RCL1: variants seen among roughly 807,000 people sequenced by gnomAD.
RCL1 encodes RNA 3'-terminal phosphate cyclase-like protein.
In RCL1, 24 loss-of-function variants were observed where a neutral mutation model predicts 42.4. The ratio of observed to expected loss-of-function variants is 0.57; its 90% CI spans 0.41 to 0.80. The LOEUF (loss-of-function observed/expected upper bound fraction) is 0.80. Among genes scored for constraint, RCL1 ranks in the 30% least tolerant of loss-of-function variants. The pLI is 0.00. For synonymous variants in RCL1, 228 were observed against 177.3 expected (o/e 1.29, Z -2.27); for missense variants, 578 against 467.9 (o/e 1.24, Z -2.17).
At chr9:4,858,944 G>C (rs1284978880) in intron 8 of RCL1, among the ~76,000 whole-genome samples, 1 of 152,220 alleles carries the variant, frequency 6.6e-6, no homozygotes, top group African/African-American at 2.4e-5. Context: ...CTATGAACTG[G>C]GGAGTACAGG....
chr9:4,804,671 G>A (rs1843069695), intron 1 of RCL1: 3 of 162,490 alleles, frequency 1.8e-5, no homozygotes, highest in Non-Finnish European at 4.1e-5. Context: ...CGATGCCCCT[G>A]GCCTGCATGG....
rs546738967 is a variant in RCL1, at chr9:4,813,811, G to A, written c.137-9737G>A. On this transcript the variant is annotated intron_variant, in intron 1 of 8. Transcript: ENST00000381750. ...CCCAAATGTCCATCAGTGATAGACCGGATTAAGAAAATGTGGCACATATAC... is the reference window on the plus strand; with the variant it reads ...CCCAAATGTCCATCAGTGATAGACCAGATTAAGAAAATGTGGCACATATAC... Among the ~76,000 whole-genome samples the A allele has an allele frequency of 4.6e-5, 7 of 152,288 alleles. No individual in the cohort carries two copies. The East Asian group carries it at 7.7e-4, about 17-fold the overall frequency.
At chr9:4,821,063 G>A (rs1432404372) in intron 1 of RCL1, among the ~76,000 whole-genome samples, 1 of 152,104 alleles carries the variant, frequency 6.6e-6, no homozygotes, top group Non-Finnish European at 1.5e-5. Context: ...ATTTTCTAGA[G>A]GAAGAGGTTA....
chr9:4,856,903 C>G (rs1179061310), intron 8 of RCL1, among the ~76,000 whole-genome samples: 1 of 152,176 alleles, frequency 6.6e-6, no homozygotes, highest in Non-Finnish European at 1.5e-5. Context: ...GCCCCCTTTT[C>G]TCCATGTAGC....
In RCL1 at chr9:4,841,326, A is replaced by G. The variant is rs1209595387; in HGVS notation, c.679A>G (p.Thr227Ala). 3.7e-6 allele frequency: 6 copies of G among 1,613,370 alleles called. No individual in the cohort carries two copies. Among genetic ancestry groups the G allele is most frequent in the Admixed American group, 3.3e-5 (2 of 60,004 alleles). Residue 227 changes from threonine (T) to alanine (A), a missense_variant, in exon 6 of 9, where the codon ACA (threonine) becomes GCA (alanine). By Grantham distance (58) the Thr-to-Ala change is moderately conservative. Transcript: ENST00000381750. ...GTTCATACCTGATATCTATATTTAC[A>G]CAGATCACATGAAAGGAGTCAACTC... is the stretch of plus-strand genomic sequence containing the variant. ...NKFIPDIYIYTDHMKGVNSGK... is the reference protein window; with the variant it reads ...NKFIPDIYIYADHMKGVNSGK...
At position 4,860,279 on chromosome 9, in the gene RCL1, C is replaced by A. The variant is rs769155618; in HGVS notation, c.*4C>A. The A allele has an allele frequency of 1.9e-6, 3 of 1,611,928 alleles. No homozygotes were observed. The highest frequency in any genetic ancestry group is 4.5e-5 in the East Asian group (2 of 44,790). On this transcript the variant is annotated 3_prime_UTR_variant, in exon 9 of 9. Coordinates refer to ENST00000381750, the MANE Select transcript of RCL1 (RefSeq NM_005772.5). ...CCTTAGCAAGACCCTCAAGTGATAA[C>A]CATCACAAGATAAGGCCCCAATGCC...
Position 4,800,492 on chromosome 9 carries a change from G to C in RCL1, c.136+7265G>C, listed in dbSNP as rs572193715. ...AGCCTCCCAAAGTGCTGGGATTACA[G>C]GTGTGCACCACCATGCCCAGCCAGG... is the stretch of plus-strand genomic sequence containing the variant. On this transcript the variant is annotated intron_variant, in intron 1 of 8. Coordinates refer to ENST00000381750, the MANE Select transcript of RCL1 (RefSeq NM_005772.5). Among the ~76,000 whole-genome samples, 5 of 152,222 alleles carry C rather than the reference G, an allele frequency of 3.3e-5. No individual in the cohort carries two copies. The East Asian group carries it at 9.6e-4, about 29-fold the overall frequency.
chr9:4,809,553 C>T (rs928703739), intron 1 of RCL1, among the ~76,000 whole-genome samples: 1 of 152,160 alleles, frequency 6.6e-6, no homozygotes, highest in Non-Finnish European at 1.5e-5. Flanking sequence ...TGTGATTCGC[C>T]CGCCTCGGCC....
intron 7 of RCL1, among the ~76,000 whole-genome samples, chr9:4,847,070 G>T (rs1817542934): frequency 6.6e-6 from 1 of 151,788 alleles, no homozygotes; most frequent in Non-Finnish European, 1.5e-5. Flanking sequence ...GTAGAGATAG[G>T]GTTTCTCCAT....
At chr9:4,803,729 A>C (rs564806861) in intron 1 of RCL1, 2 of 156,692 alleles carry the variant, frequency 1.3e-5, no homozygotes, top group East Asian at 1.8e-4. Flanking sequence ...TGAAAGGTAA[A>C]AAAAAAAAAG....
chr9:4,793,287 T>C, intron 1 of RCL1, 60 bp downstream of exon 1: 3 of 1,517,024 alleles, frequency 2.0e-6, no homozygotes, highest in Non-Finnish European at 2.7e-6. Flanking sequence ...ACCGAGCTGA[T>C]GCCGTGGGGG....
intron 7 of RCL1, among the ~76,000 whole-genome samples, chr9:4,848,577 A>C: frequency 6.6e-6 from 1 of 152,278 alleles, no homozygotes. Flanking sequence ...AAATATGTAG[A>C]AATTCAAGGT....
intron 1 of RCL1, among the ~76,000 whole-genome samples, chr9:4,809,803 T>C (rs183939874): frequency 5.0e-4 from 76 of 152,192 alleles, no homozygotes; most frequent in African/African-American, 1.6e-3. Flanking sequence ...AGAGACATGA[T>C]TGGGTTTTTT....
chr9:4,821,378 C>T (rs1372748553), intron 1 of RCL1, among the ~76,000 whole-genome samples: 1 of 152,158 alleles, frequency 6.6e-6, no homozygotes, highest in South Asian at 2.1e-4. Flanking sequence ...GTCTCAGTGT[C>T]ATTTGACTAG....
In RCL1 at chr9:4,841,490, T is replaced by C. The variant is rs1817325670; in HGVS notation, c.710+133T>C. 4.1e-6 allele frequency: 3 copies of C among 740,066 alleles called. No homozygotes were observed. In the Admixed American group the frequency reaches 6.9e-5, roughly 17 times the overall value. The allele number at this position is 740,066 out of a possible 1,614,324, so 45.8% of individuals were successfully genotyped here. A position where few individuals can be genotyped will look rare whatever the true frequency, so the allele number is the denominator to read the frequency against. On this transcript the variant is annotated intron_variant, in intron 6 of 8. Coordinates refer to ENST00000381750, the MANE Select transcript of RCL1 (RefSeq NM_005772.5). ...TTTCAGAATTAATTTCTTTCTGCCT[T>C]ATTGCCGTTGTCACCAACAGGCATT...
Position 4,844,573 on chromosome 9 carries a change from C to A in RCL1, c.759C>A (p.Thr253=). Residue 253 remains threonine, a synonymous_variant, in exon 7 of 9, where the codon ACC becomes ACA. Transcript: ENST00000381750. ...LSLVAETTSG[T]FLSAELASNP... is the part of the protein sequence containing the mutation. ...TGGTTGCTGAGACCACCAGTGGCAC[C>A]TTCCTCAGTGCTGAACTGGCCTCCA... 1 of 1,613,798 alleles carries A rather than the reference C, an allele frequency of 6.2e-7. No individual in the cohort carries two copies. Among genetic ancestry groups the A allele is most frequent in the Admixed American group, 1.7e-5 (1 of 59,994 alleles).
chr9:4,813,732 C>T lies in RCL1; in HGVS notation c.137-9816C>T, dbSNP rs551738462. On this transcript the variant is annotated intron_variant, in intron 1 of 8. Coordinates refer to ENST00000381750, the MANE Select transcript of RCL1 (RefSeq NM_005772.5). ...TAAATCATGCTGCTACAAAGACACACGCACACGTATGTTTATTGCGGCACT... is the reference window on the plus strand; with the variant it reads ...TAAATCATGCTGCTACAAAGACACATGCACACGTATGTTTATTGCGGCACT... 1.2e-4 allele frequency among the ~76,000 whole-genome samples: 18 copies of T among 152,306 alleles called. No individual in the cohort carries two copies. In the South Asian group the frequency reaches 2.9e-3, roughly 25 times the overall value.
intron 1 of RCL1, among the ~76,000 whole-genome samples, chr9:4,819,658 T>G (rs1010582235): frequency 2.8e-4 from 43 of 152,146 alleles, no homozygotes; most frequent in African/African-American, 1.0e-3. Flanking sequence ...AATACAAAAA[T>G]TAGCTGGGCG....
intron 6 of RCL1, among the ~76,000 whole-genome samples, chr9:4,844,030 A>G (rs1437909141): frequency 6.6e-6 from 1 of 152,000 alleles, no homozygotes; most frequent in African/African-American, 2.4e-5. Context: ...TTTTTTCCTT[A>G]AGAATCTAAG....
Sources: gnomAD v4.1 joint callset for allele counts (sites outside exome capture counted in the v4.1 genomes callset) on GRCh38, gnomAD v4.1.1 for gene constraint, MANE v1.5 for transcripts, NCBI Gene and HGNC (gene_info 2026-07-23, HGNC 2026-07-21) for gene names.